Variants in ANKRD50 observed in about 807,000 individuals in gnomAD.
The protein encoded by ANKRD50 is ankyrin repeat domain 50.
Under a neutral mutation model 112.0 loss-of-function variants are expected in ANKRD50, and 40 were observed. The observed-to-expected ratio is 0.36, with a 90% CI of 0.28 to 0.46. ANKRD50 has a LOEUF of 0.46. Ranked by LOEUF, ANKRD50 falls within the 20% of genes least tolerant of loss-of-function variation. ANKRD50 has a pLI of 1.00. For missense variants in ANKRD50, 1,487 were observed against 1,701.7 expected (o/e 0.87, Z 2.22); for synonymous variants, 613 against 619.1 (o/e 0.99, Z 0.15).
rs1730503776 is a variant in ANKRD50, at chr4:124,666,837, A to G, written c.*681T>C. On this transcript the variant is annotated 3_prime_UTR_variant, in exon 5 of 5. Transcript: ENST00000504087. ...GTTGGTTGTTTGTTCTGACATGTTTAGCCAGAGATGAGAAGAATTCTACTG... is the reference window on the plus strand; with the variant it reads ...GTTGGTTGTTTGTTCTGACATGTTTGGCCAGAGATGAGAAGAATTCTACTG... The G allele has an allele frequency of 6.6e-6, 1 of 152,458 alleles. No individual in the cohort carries two copies. The highest frequency in any genetic ancestry group is 6.6e-5 in the Admixed American group (1 of 15,228). 9.4% of individuals were successfully genotyped at this position (152,458 alleles called of 1,614,324 possible).
intron 3 of ANKRD50, 26 bp from the exon 4 acceptor site, chr4:124,672,560 G>A (rs775026926): frequency 7.4e-6 from 11 of 1,485,716 alleles, no homozygotes. Flanking sequence ...AAAAGTAGAT[G>A]TAATCAGTTG....
At chr4:124,690,115 T>C (rs774857908) in intron 2 of ANKRD50, among the ~76,000 whole-genome samples, 1 of 152,254 alleles carries the variant, frequency 6.6e-6, no homozygotes, top group South Asian at 2.1e-4. Flanking sequence ...ATGCTAGAGT[T>C]ACACAAAAAC....
intron 3 of ANKRD50, 122 bp from the exon 4 acceptor site, chr4:124,672,656 G>A: frequency 1.5e-6 from 1 of 674,268 alleles, no homozygotes; most frequent in South Asian, 2.6e-5. Flanking sequence ...CTAATAAGCA[G>A]ATCAATTAAT....
intron 2 of ANKRD50, among the ~76,000 whole-genome samples, chr4:124,690,823 A>G (rs1034138823): frequency 6.6e-6 from 1 of 152,200 alleles, no homozygotes; most frequent in African/African-American, 2.4e-5. Flanking sequence ...TGTGTGAGAG[A>G]TGGCAAGACC....
chr4:124,692,386 G>T (rs1725157746), intron 2 of ANKRD50, among the ~76,000 whole-genome samples: 1 of 152,106 alleles, frequency 6.6e-6, no homozygotes, highest in Non-Finnish European at 1.5e-5. Flanking sequence ...GCTTTCTGGA[G>T]GGAGGTAATG....
At position 124,669,558 on chromosome 4, in the gene ANKRD50, T is replaced by C. The variant is rs570962743; in HGVS notation, c.3719A>G (p.Gln1240Arg). Residue 1240 changes from glutamine (Q) to arginine (R), a missense_variant, in exon 4 of 5, where the codon CAG (glutamine) becomes CGG (arginine). Gln to Arg is a conservative substitution (Grantham distance 43). Around this residue, in one of 2 missense-constraint regions of ANKRD50, gnomAD observed 441 missense variants for 432.2 expected, o/e 1.02. Transcript: ENST00000504087. ...TGAATTATGACTCTGTCCTAAGGAC[T>C]GTGTTGTGGAAGATGGGGAAACAAT... ...QSIVSPSSTT[Q>R]SLGQSHNSPS... 8.3e-5 allele frequency: 134 copies of C among 1,613,374 alleles called. 1 individual carries two copies. The South Asian group carries it at 1.4e-3, about 17-fold the overall frequency.
At chr4:124,679,451 T>G (rs1017322185) in intron 2 of ANKRD50, among the ~76,000 whole-genome samples, 1 of 152,230 alleles carries the variant, frequency 6.6e-6, no homozygotes, top group Non-Finnish European at 1.5e-5. Flanking sequence ...TAGATCCCAT[T>G]TGACATATTT....
rs770600455 is a variant in ANKRD50, at chr4:124,671,021, C to G, written c.2256G>C (p.Leu752=). 1 of 1,613,834 alleles carries G rather than the reference C, an allele frequency of 6.2e-7. No individual in the cohort carries two copies. Among genetic ancestry groups the G allele is most frequent in the Non-Finnish European group, 8.5e-7 (1 of 1,179,870 alleles). ...DHCDKDGMTP[L]LVAAYEGHVD... is the part of the protein sequence containing the mutation. Reference sequence around the variant, plus strand: ...CATGTCCTTCATAGGCAGCTACCAGCAGTGGAGTCATGCCATCTTTATCAC... The same window carrying G: ...CATGTCCTTCATAGGCAGCTACCAGGAGTGGAGTCATGCCATCTTTATCAC... The change falls in exon 4 of 5, where the codon CTG becomes CTC. Residue 752 remains leucine, a synonymous_variant. Transcript: ENST00000504087.
chr4:124,706,529 A>G (rs1725506468), intron 2 of ANKRD50, among the ~76,000 whole-genome samples: 1 of 152,094 alleles, frequency 6.6e-6, no homozygotes, highest in Admixed American at 6.5e-5. Flanking sequence ...GCTAAGAAGC[A>G]AACTGAAGAA....
rs1560815087 is a variant in ANKRD50, at chr4:124,666,487, A to G, written c.*1031T>C. The stretch of plus-strand genomic sequence containing the variant: ...CAACCAAACCATTAAAATTAATCCA[A>G]TTGATTTTGAGTGGGGCTATTTTGG... On this transcript the variant is annotated 3_prime_UTR_variant, in exon 5 of 5. Coordinates refer to ENST00000504087, the MANE Select transcript of ANKRD50 (RefSeq NM_020337.3). 6.6e-6 allele frequency: 1 copy of G among 152,390 alleles called. No homozygotes were observed. Among genetic ancestry groups the G allele is most frequent in the Non-Finnish European group, 1.5e-5 (1 of 67,936 alleles). The allele number at this position is 152,390 out of a possible 1,614,324, so 9.4% of individuals were successfully genotyped here.
At chr4:124,705,211 ACATT>A (rs939143669) in intron 2 of ANKRD50, among the ~76,000 whole-genome samples, 1 of 152,246 alleles carries the variant, frequency 6.6e-6, no homozygotes, top group African/African-American at 2.4e-5. Flanking sequence ...GATTATTCAA[ACATT>A]CAATGATTCC....
chr4:124,685,947 C>T (rs755916485), intron 2 of ANKRD50, among the ~76,000 whole-genome samples: 7 of 152,076 alleles, frequency 4.6e-5, no homozygotes, highest in Non-Finnish European at 1.0e-4. Flanking sequence ...AGTAGATATA[C>T]ATTGAGGAAG....
chr4:124,679,518 C>A (rs2110513150), intron 2 of ANKRD50, among the ~76,000 whole-genome samples: 1 of 152,264 alleles, frequency 6.6e-6, no homozygotes, highest in East Asian at 1.9e-4. Context: ...TAATGCATTT[C>A]TTATGCGTGT....
intron 2 of ANKRD50, 39 bp from the exon 3 acceptor site, chr4:124,678,944 T>C (rs759049221): frequency 1.4e-6 from 2 of 1,392,156 alleles, no homozygotes; most frequent in East Asian, 4.6e-5. Context: ...GAATGTTAAG[T>C]GGCTATGATG....
intron 1 of ANKRD50, among the ~76,000 whole-genome samples, chr4:124,711,871 G>A (rs1451152214): frequency 2.0e-5 from 3 of 152,148 alleles, no homozygotes; most frequent in Admixed American, 2.0e-4. Flanking sequence ...GGAGGTCAGG[G>A]ATAAAATCTA....
At chr4:124,700,657 T>C (rs1725369394) in intron 2 of ANKRD50, among the ~76,000 whole-genome samples, 1 of 152,232 alleles carries the variant, frequency 6.6e-6, no homozygotes, top group African/African-American at 2.4e-5. Flanking sequence ...TATCGTTAGC[T>C]ATTTTCACAA....
intron 2 of ANKRD50, among the ~76,000 whole-genome samples, 164 bp from the exon 3 acceptor site, chr4:124,679,069 T>C (rs1216176527): frequency 6.6e-6 from 1 of 152,194 alleles, no homozygotes; most frequent in Non-Finnish European, 1.5e-5. Context: ...AAGTACAACA[T>C]TGGTCCCAAA....
In ANKRD50 at chr4:124,689,891, T is replaced by G. The variant is rs181869101; in HGVS notation, c.513-10986A>C. On this transcript the variant is annotated intron_variant, in intron 2 of 4. Coordinates refer to ENST00000504087, the MANE Select transcript of ANKRD50 (RefSeq NM_020337.3). ...CTTACTGCAAAAATTTCCCTTCATA[T>G]AGGTTACTTTATTAAATTTACTCTT... is the stretch of plus-strand genomic sequence containing the variant. Among the ~76,000 whole-genome samples the G allele has an allele frequency of 2.9e-3, 443 of 151,480 alleles. 5 individuals are homozygous for G. The highest frequency in any genetic ancestry group is 0.01 in the Middle Eastern group (3 of 288).
chr4:124,700,080 G>A (rs1048351799), intron 2 of ANKRD50, among the ~76,000 whole-genome samples: 1 of 152,152 alleles, frequency 6.6e-6, no homozygotes, highest in Non-Finnish European at 1.5e-5. Flanking sequence ...TGTGATTTAA[G>A]ACAATGACTG....
Sources: allele counts gnomAD v4.1 joint callset (sites outside exome capture counted in the v4.1 genomes callset), GRCh38; gene constraint gnomAD v4.1.1; regional missense constraint gnomAD v4.1.1; transcripts MANE v1.5; gene names NCBI Gene and HGNC (gene_info 2026-07-23, HGNC 2026-07-21).